Variants in PROSER1 observed in about 807,000 individuals in gnomAD.
PROSER1 encodes the protein proline and serine rich 1, also known as proline and serine-rich protein 1.
Under a neutral mutation model 71.8 loss-of-function variants are expected in PROSER1, and 36 were observed. That is an observed-to-expected ratio of 0.50 (90% CI 0.38 to 0.66). The LOEUF is 0.66. Ranked by LOEUF, PROSER1 falls within the 30% of genes least tolerant of loss-of-function variation. The pLI is 0.00. For synonymous variants in PROSER1, 490 were observed against 452.4 expected, an observed-to-expected ratio of 1.08 and a Z score of -1.06; for missense variants, 1,107 against 1,135.0, an observed-to-expected ratio of 0.98 and a Z score of 0.35.
At chr13:39,024,420 G>A in intron 7 of PROSER1, 53 bp downstream of exon 7, 1 of 1,304,634 alleles carries the variant, frequency 7.7e-7, no homozygotes, top group South Asian at 1.3e-5. Context: ...GAGTAAAAAG[G>A]AAACTTTATG....
At position 39,028,236 on chromosome 13, in the gene PROSER1, T is replaced by C. The variant is rs751083608; in HGVS notation, c.360A>G (p.Ile120Met). The change falls in exon 5 of 13, where the codon ATA becomes ATG. Residue 120 changes from isoleucine (I) to methionine (M), a missense_variant. Coordinates refer to ENST00000352251, the MANE Select transcript of PROSER1 (RefSeq NM_025138.5). Reference sequence around the variant, plus strand: ...ATCTTTAGAAAACTACCTGTTCAAGTATTCTCTTGCACCGTTTCTTCTCAG... The same window carrying C: ...ATCTTTAGAAAACTACCTGTTCAAGCATTCTCTTGCACCGTTTCTTCTCAG... ...NMSEKKRCKR[I>M]LEQAFKGGCK... The C allele has an allele frequency of 2.5e-5, 39 of 1,560,048 alleles. No homozygotes were observed. The South Asian group carries it at 4.1e-4, about 17-fold the overall frequency.
Position 39,020,274 on chromosome 13 carries a change from G to A in PROSER1, c.730+2052C>T, listed in dbSNP as rs1005266787. On this transcript the variant is annotated intron_variant, in intron 9 of 12. Transcript: ENST00000352251. Reference sequence around the variant, plus strand: ...GGGAAGAAAACACTACCAGCTTGACGTGATATAAAGATATATACACATAAC... The same window carrying A: ...GGGAAGAAAACACTACCAGCTTGACATGATATAAAGATATATACACATAAC... Among the ~76,000 whole-genome samples, 6 of 152,054 alleles carry A rather than the reference G, an allele frequency of 3.9e-5. No individual in the cohort carries two copies. In the East Asian group the frequency reaches 7.7e-4, roughly 20 times the overall value.
chr13:39,018,761 G>GA (rs1566024002), intron 9 of PROSER1, among the ~76,000 whole-genome samples: 1 of 151,722 alleles, frequency 6.6e-6, no homozygotes, highest in Non-Finnish European at 1.5e-5. Context: ...AGGAGGAGGG[G>GA]AAAAAAAGCA....
intron 2 of PROSER1, among the ~76,000 whole-genome samples, chr13:39,032,602 G>A (rs540874640): frequency 4.0e-5 from 6 of 151,636 alleles, no homozygotes; most frequent in East Asian, 3.9e-4. Flanking sequence ...CTTATAAAGA[G>A]ATATATATAT....
Position 39,013,347 on chromosome 13 carries a change from C to A in PROSER1, c.1905G>T (p.Leu635Phe). The A allele has an allele frequency of 1.9e-6, 3 of 1,614,210 alleles. No homozygotes were observed. Among genetic ancestry groups the A allele is most frequent in the Non-Finnish European group, 2.5e-6 (3 of 1,180,042 alleles). The stretch of plus-strand genomic sequence containing the variant: ...TATATGCACGGCCCAATGTCCCTGA[C>A]AAACCTAAAGTGCCATGAGAGGGAT... Reference protein sequence around the residue: ...SGNPSHGTLGLSGTLGRAYTS... With the variant: ...SGNPSHGTLGFSGTLGRAYTS... The change falls in exon 11 of 13, where the codon TTG (leucine) becomes TTT (phenylalanine). Residue 635 changes from leucine (L) to phenylalanine (F), a missense_variant. Transcript: ENST00000352251.
At chr13:39,031,287 A>G (rs146700040) in intron 3 of PROSER1, among the ~76,000 whole-genome samples, 63 of 152,376 alleles carry the variant, frequency 4.1e-4, no homozygotes, top group African/African-American at 1.5e-3. Context: ...ATTAAAAAAC[A>G]GAAGTGCAAA....
At chr13:39,024,188 A>C (rs2138119339) in intron 7 of PROSER1, among the ~76,000 whole-genome samples, 1 of 152,134 alleles carries the variant, frequency 6.6e-6, no homozygotes, top group East Asian at 1.9e-4. Flanking sequence ...TAGTTAAAAC[A>C]AGCTCTCCAC....
Position 39,012,173 on chromosome 13 carries a change from CG to C in PROSER1, c.2621del (p.Pro874ArgfsTer75). The C allele has an allele frequency of 6.2e-7, 1 of 1,613,954 alleles. No individual in the cohort carries two copies. Among genetic ancestry groups the C allele is most frequent in the Non-Finnish European group, 8.5e-7 (1 of 1,179,872 alleles). On this transcript the variant is annotated frameshift_variant, in exon 12 of 13. Coordinates refer to ENST00000352251, the MANE Select transcript of PROSER1 (RefSeq NM_025138.5). LOFTEE classifies it high-confidence loss of function. ...GATTCTGAGGAAACCCAGGGATACC[CG>C]GGAGGGACAAAAGGCCTGGAAAAAC... ...SSVFPGLLSL[P>X]GIPGFPQNPS...
At chr13:39,021,828 C>A (rs914287754) in intron 9 of PROSER1, among the ~76,000 whole-genome samples, 1 of 152,182 alleles carries the variant, frequency 6.6e-6, no homozygotes, top group Non-Finnish European at 1.5e-5. Context: ...TTCCATAGCA[C>A]CCTAACCCTA....
At position 39,011,281 on chromosome 13, in the gene PROSER1, C is replaced by A; in HGVS notation, c.*84G>T. Reference sequence around the variant, plus strand: ...CTCATTCTCATTTTCCGACTTTTGGCCAGCTTCACATTTGTCAGATTGTTC... The same window carrying A: ...CTCATTCTCATTTTCCGACTTTTGGACAGCTTCACATTTGTCAGATTGTTC... On this transcript the variant is annotated 3_prime_UTR_variant, in exon 13 of 13. Transcript: ENST00000352251. 1 of 1,410,644 alleles carries A rather than the reference C, an allele frequency of 7.1e-7. No individual in the cohort carries two copies. The highest frequency in any genetic ancestry group is 9.7e-7 in the Non-Finnish European group (1 of 1,026,474). The allele number at this position is 1,410,644 out of a possible 1,614,324, so 87.4% of individuals were successfully genotyped here.
chr13:39,018,892 C>T (rs1288503895), intron 9 of PROSER1, among the ~76,000 whole-genome samples: 1 of 152,032 alleles, frequency 6.6e-6, no homozygotes, highest in East Asian at 1.9e-4. Context: ...AAGATACACA[C>T]CTAAACATAC....
At chr13:39,021,258 A>G (rs1593532675) in intron 9 of PROSER1, among the ~76,000 whole-genome samples, 1 of 152,274 alleles carries the variant, frequency 6.6e-6, no homozygotes, top group Middle Eastern at 3.4e-3. Context: ...ATTCTTTGCT[A>G]TCCCGCTGTC....
rs1417004291 is a variant in PROSER1 at position 39,023,113 on chromosome 13, A to T, written c.582T>A (p.Asn194Lys). The change falls in exon 8 of 13, where the codon AAT becomes AAA. Residue 194 changes from asparagine (N) to lysine (K), a missense_variant. Physicochemically the swap from Asn to Lys is moderately conservative, Grantham distance 94 (BLOSUM62 0). Transcript: ENST00000352251. Reference protein sequence around the residue: ...GPSKPPPSTYNPHKPVPYPIP... With the variant: ...GPSKPPPSTYKPHKPVPYPIP... Reference sequence around the variant, plus strand: ...TCGGATAAGGAACAGGTTTATGTGGATTATATGTTGAAGGAGGCTAAAACA... The same window carrying T: ...TCGGATAAGGAACAGGTTTATGTGGTTTATATGTTGAAGGAGGCTAAAACA... The T allele has an allele frequency of 1.2e-6, 2 of 1,612,978 alleles. No homozygotes were observed. Among genetic ancestry groups the T allele is most frequent in the Non-Finnish European group, 1.7e-6 (2 of 1,179,212 alleles).
chr13:39,017,562 A>C lies in PROSER1; in HGVS notation c.731-18T>G. 1 of 1,326,736 alleles carries C rather than the reference A, an allele frequency of 7.5e-7. No individual in the cohort carries two copies. The highest frequency in any genetic ancestry group is 2.5e-5 in the East Asian group (1 of 40,152). 82.2% of individuals were successfully genotyped at this position (1,326,736 alleles called of 1,614,324 possible). A position where few individuals can be genotyped will look rare whatever the true frequency, so the allele number is the denominator to read the frequency against. On this transcript the variant is annotated intron_variant, in intron 9 of 12. Transcript: ENST00000352251. Reference sequence around the variant, plus strand: ...TTCATTCTCTATATAAAAATAAATAAAAGTTCATTTTAAACTTTAATCAAA... The same window carrying C: ...TTCATTCTCTATATAAAAATAAATACAAGTTCATTTTAAACTTTAATCAAA...
At position 39,027,037 on chromosome 13, in the gene PROSER1, C is replaced by T. The variant is rs947634419; in HGVS notation, c.370-650G>A. Reference sequence around the variant, plus strand: ...AATGAAAAAACACTGTATTAGGCAACATATATTCCAATGTATCTATATTAT... The same window carrying T: ...AATGAAAAAACACTGTATTAGGCAATATATATTCCAATGTATCTATATTAT... On this transcript the variant is annotated intron_variant, in intron 5 of 12. Transcript: ENST00000352251. 3.3e-5 allele frequency among the ~76,000 whole-genome samples: 5 copies of T among 151,898 alleles called. No homozygotes were observed. In the South Asian group the frequency reaches 1.0e-3, roughly 31 times the overall value.
intron 7 of PROSER1, 68 bp downstream of exon 7, chr13:39,024,405 G>A: frequency 8.7e-7 from 1 of 1,143,164 alleles, no homozygotes; most frequent in Non-Finnish European, 1.3e-6. Context: ...TAAAATTTAT[G>A]CTTTGAGTAA....
chr13:39,033,007 G>A (rs1870929806), intron 2 of PROSER1, among the ~76,000 whole-genome samples: 1 of 150,782 alleles, frequency 6.6e-6, no homozygotes, highest in East Asian at 1.9e-4. Flanking sequence ...TGCAAGCTCT[G>A]CCTCCTGGGT....
In PROSER1 at chr13:39,011,229, T is replaced by G; in HGVS notation, c.*136A>C. On this transcript the variant is annotated 3_prime_UTR_variant, in exon 13 of 13. Transcript: ENST00000352251. The stretch of plus-strand genomic sequence containing the variant: ...TAAAATGCAACCACAATTTTCAAAT[T>G]GTTGTCACAATTTCTCCAGGATTAC... The G allele has an allele frequency of 1.2e-6, 1 of 848,318 alleles. No individual in the cohort carries two copies. The highest frequency in any genetic ancestry group is 1.9e-6 in the Non-Finnish European group (1 of 539,436). 52.5% of individuals were successfully genotyped at this position (848,318 alleles called of 1,614,324 possible).
rs1210144696 is a variant in PROSER1 at position 39,017,270 on chromosome 13, T to C, written c.775+230A>G. On this transcript the variant is annotated intron_variant, in intron 10 of 12. Transcript: ENST00000352251. ...TACATTACACTGCAAGTTTTGCAAA[T>C]TGTATAAAAGTCCTAAGATTAATTT... Among the ~76,000 whole-genome samples, 4 of 152,238 alleles carry C rather than the reference T, an allele frequency of 2.6e-5. No individual in the cohort carries two copies. In the East Asian group the frequency reaches 5.8e-4, roughly 22 times the overall value.
Sources: gnomAD v4.1 joint callset for allele counts (sites outside exome capture counted in the v4.1 genomes callset) on GRCh38, gnomAD v4.1.1 for gene constraint, MANE v1.5 for transcripts, NCBI Gene and HGNC (gene_info 2026-07-23, HGNC 2026-07-21) for gene names.